LINGO1: variants seen among roughly 807,000 people sequenced by gnomAD.
The protein encoded by LINGO1 is leucine rich repeat and Ig domain containing 1.
LINGO1 carries 11 observed loss-of-function variants against 37.3 expected under a neutral mutation model. That is an observed-to-expected ratio of 0.29 (90% CI 0.19 to 0.49). LINGO1 has a LOEUF of 0.49. Ranked by LOEUF, LINGO1 falls within the 20% of genes least tolerant of loss-of-function variation. LINGO1 has a pLI of 0.99. For synonymous variants in LINGO1, 387 were observed against 403.0 expected, an observed-to-expected ratio of 0.96 and a Z score of 0.48; for missense variants, 585 against 878.2, an observed-to-expected ratio of 0.67 and a Z score of 4.22.
At chr15:77,790,078 G>A (rs141233236), upstream of LINGO1, among the ~76,000 whole-genome samples, 49 of 152,226 alleles carry the variant, frequency 3.2e-4, no homozygotes, top group African/African-American at 1.1e-3. Flanking sequence ...AGCCCCTGCC[G>A]ACACCTTGAT....
At chr15:77,723,093 T>A (rs1483249037) in intron 2 of LINGO1, among the ~76,000 whole-genome samples, 4 of 152,166 alleles carry the variant, frequency 2.6e-5, no homozygotes, top group Admixed American at 2.6e-4. Context: ...TAGTTTTCTG[T>A]CTGTCGTTAA....
At chr15:77,688,041 T>A (rs2075541677) in intron 2 of LINGO1, among the ~76,000 whole-genome samples, 1 of 152,208 alleles carries the variant, frequency 6.6e-6, no homozygotes, top group South Asian at 2.1e-4. Flanking sequence ...TGGTTCAGTT[T>A]TCAGCTCTCC....
Position 77,802,814 on chromosome 15 carries a change from A to T in LINGO1, c.-457-6761T>A, listed in dbSNP as rs143240918. Among the ~76,000 whole-genome samples the T allele has an allele frequency of 2.0e-5, 3 of 151,948 alleles. No homozygotes were observed. In the East Asian group the frequency reaches 5.8e-4, roughly 29 times the overall value. ...TTCCATCTGCAGCTGCCACGGGAGCACTCCAAAAGGCAGATCCAACCACAT... is the reference window on the plus strand; with the variant it reads ...TTCCATCTGCAGCTGCCACGGGAGCTCTCCAAAAGGCAGATCCAACCACAT... On this transcript the variant is annotated intron_variant, in intron 1 of 5. Transcript: ENST00000562933.
intron 1 of LINGO1, among the ~76,000 whole-genome samples, chr15:77,754,283 G>A (rs541311451): frequency 6.8e-6 from 1 of 146,734 alleles, no homozygotes; most frequent in African/African-American, 2.5e-5. Context: ...AGTGTGGAGG[G>A]AAGGGAGGGA....
intron 2 of LINGO1, among the ~76,000 whole-genome samples, chr15:77,709,586 C>T (rs2075893660): frequency 6.6e-6 from 1 of 152,230 alleles, no homozygotes; most frequent in Non-Finnish European, 1.5e-5. Context: ...GGTTCAACGT[C>T]CTGGAAGGCA....
intron 1 of LINGO1, among the ~76,000 whole-genome samples, chr15:77,741,017 C>G (rs931986911): frequency 3.9e-5 from 6 of 152,296 alleles, no homozygotes; most frequent in Middle Eastern, 3.4e-3. Context: ...CCCTCGCCCC[C>G]AAAAGAGCTC....
intron 1 of LINGO1, among the ~76,000 whole-genome samples, chr15:77,769,215 G>T (rs1373985976): frequency 6.6e-6 from 1 of 152,238 alleles, no homozygotes; most frequent in Non-Finnish European, 1.5e-5. Flanking sequence ...CCTAAAGGCA[G>T]CAAAGGCCTC....
chr15:77,627,616 A>C (rs1189100173), intron 1 of LINGO1, among the ~76,000 whole-genome samples: 2 of 152,178 alleles, frequency 1.3e-5, no homozygotes, highest in Admixed American at 6.5e-5. Flanking sequence ...CCAGGTGCAC[A>C]GGGGGGCTGT....
intron 1 of LINGO1, among the ~76,000 whole-genome samples, chr15:77,625,294 C>A (rs750545955): frequency 6.6e-6 from 1 of 152,176 alleles, no homozygotes; most frequent in Non-Finnish European, 1.5e-5. Context: ...GTAAACCCCT[C>A]GTAGGTGGCC....
intron 1 of LINGO1, among the ~76,000 whole-genome samples, chr15:77,817,713 GGCC>G (rs2077059618): frequency 6.6e-6 from 1 of 152,176 alleles, no homozygotes; most frequent in Non-Finnish European, 1.5e-5. Flanking sequence ...CAATAAAGAA[GGCC>G]TGGGTGTCCT....
upstream of LINGO1, among the ~76,000 whole-genome samples, chr15:77,699,575 TA>T (rs2075746760): frequency 7.7e-6 from 1 of 129,700 alleles, no homozygotes; most frequent in African/African-American, 3.0e-5. Flanking sequence ...GTAAAGCACA[TA>T]CTAACCATCC....
At chr15:77,633,924 C>T (rs2074341366), upstream of LINGO1, among the ~76,000 whole-genome samples, 1 of 152,222 alleles carries the variant, frequency 6.6e-6, no homozygotes, top group Admixed American at 6.5e-5. Context: ...TCCTTGAAGC[C>T]AGACGCCCTT....
At chr15:77,711,895 A>T (rs1262890363) in intron 2 of LINGO1, among the ~76,000 whole-genome samples, 3 of 151,948 alleles carry the variant, frequency 2.0e-5, no homozygotes, top group Non-Finnish European at 4.4e-5. Context: ...GGGGGGGCAC[A>T]CAGCGACATT....
At chr15:77,684,170 C>T (rs1415817805) in intron 2 of LINGO1, among the ~76,000 whole-genome samples, 1 of 152,212 alleles carries the variant, frequency 6.6e-6, no homozygotes, top group Non-Finnish European at 1.5e-5. Context: ...TTGGTGGGCC[C>T]ATTGCTTCTG....
intron 2 of LINGO1, among the ~76,000 whole-genome samples, chr15:77,734,003 T>C (rs1431414959): frequency 6.6e-6 from 1 of 152,220 alleles, no homozygotes; most frequent in Non-Finnish European, 1.5e-5. Flanking sequence ...CTCAGGAGGA[T>C]GAGCTACGAG....
intron 1 of LINGO1, among the ~76,000 whole-genome samples, chr15:77,754,828 C>T (rs1006575691): frequency 1.3e-5 from 2 of 152,244 alleles, no homozygotes; most frequent in African/African-American, 2.4e-5. Context: ...GATGGCCTAG[C>T]CCAGCTCTGC....
chr15:77,675,102 G>A (rs1360972848), intron 3 of LINGO1, among the ~76,000 whole-genome samples: 3 of 152,146 alleles, frequency 2.0e-5, no homozygotes, highest in Non-Finnish European at 2.9e-5. Context: ...CTGTCAAATT[G>A]GCAGGGATTA....
chr15:77,709,155 C>A (rs1230598208), intron 2 of LINGO1, among the ~76,000 whole-genome samples: 1 of 152,168 alleles, frequency 6.6e-6, no homozygotes, highest in Non-Finnish European at 1.5e-5. Context: ...TTTAAACCAC[C>A]AGGTTTATAG....
At chr15:77,656,090 A>C (rs553120193) in intron 3 of LINGO1, among the ~76,000 whole-genome samples, 1 of 152,286 alleles carries the variant, frequency 6.6e-6, no homozygotes, top group East Asian at 1.9e-4. Context: ...CACTCAGGGG[A>C]CAGGGGTGAC....
Sources: allele counts gnomAD v4.1 joint callset (sites outside exome capture counted in the v4.1 genomes callset), GRCh38; gene constraint gnomAD v4.1.1; transcripts MANE v1.5; gene names NCBI Gene and HGNC (gene_info 2026-07-23, HGNC 2026-07-21).